Variants in CNOT6L observed in about 807,000 individuals in gnomAD.
CNOT6L encodes the protein CCR4-NOT transcription complex subunit 6 like.
In CNOT6L, 7 loss-of-function variants were observed where a neutral mutation model predicts 64.0. The observed-to-expected ratio is 0.11, with a 90% confidence interval of 0.06 to 0.21. The LOEUF is 0.21. CNOT6L is among the 10% of genes least tolerant of loss of function. The pLI, the probability that CNOT6L is intolerant of heterozygous loss-of-function variation, is 1.00. For missense variants in CNOT6L, 245 were observed against 669.0 expected (o/e 0.37, Z 6.99); for synonymous variants, 193 against 243.4 (o/e 0.79, Z 1.93).
upstream of CNOT6L, among the ~76,000 whole-genome samples, chr4:77,819,824 T>C (rs1298520052): frequency 6.7e-6 from 1 of 149,544 alleles, no homozygotes; most frequent in Non-Finnish European, 1.5e-5. Context: ...GGAAGGCGGC[T>C]GAAGGGAGCG....
intron 4 of CNOT6L, among the ~76,000 whole-genome samples, chr4:77,761,610 T>C (rs755416331): frequency 1.3e-5 from 2 of 152,128 alleles, no homozygotes; most frequent in East Asian, 1.9e-4. Flanking sequence ...TCAGCAAATG[T>C]GGGGAAGAAG....
chr4:77,797,812 T>A (rs1267474035), intron 1 of CNOT6L, among the ~76,000 whole-genome samples: 1 of 152,066 alleles, frequency 6.6e-6, no homozygotes, highest in Admixed American at 6.6e-5. Flanking sequence ...GGAATATATA[T>A]CCTCCACAAA....
intron 1 of CNOT6L, among the ~76,000 whole-genome samples, chr4:77,813,929 A>C (rs932260489): frequency 6.6e-6 from 1 of 152,226 alleles, no homozygotes; most frequent in Non-Finnish European, 1.5e-5. Flanking sequence ...ACATACATAC[A>C]TAAGAACTTG....
intron 9 of CNOT6L, 43 bp from the exon 10 acceptor site, chr4:77,729,124 T>C: frequency 6.7e-7 from 1 of 1,496,904 alleles, no homozygotes; most frequent in South Asian, 1.1e-5. Flanking sequence ...TTATGCTTTA[T>C]GTTTGAAGAA....
chr4:77,737,246 T>C (rs1350188505), intron 8 of CNOT6L, among the ~76,000 whole-genome samples: 3 of 152,096 alleles, frequency 2.0e-5, no homozygotes, highest in African/African-American at 7.2e-5. Context: ...CCAAACCAAA[T>C]AGAAGTTCTT....
At chr4:77,797,256 A>AG (rs1560431875) in intron 1 of CNOT6L, among the ~76,000 whole-genome samples, 1 of 152,088 alleles carries the variant, frequency 6.6e-6, no homozygotes, top group African/African-American at 2.4e-5. Flanking sequence ...AAAACACAGT[A>AG]GCCCCCCATC....
intron 5 of CNOT6L, 69 bp downstream of exon 5, chr4:77,756,793 G>T: frequency 1.1e-6 from 1 of 948,088 alleles, no homozygotes; most frequent in Non-Finnish European, 1.6e-6. Context: ...AGATGCTCTT[G>T]AGGAACATAT....
At chr4:77,772,449 C>G (rs1413557601) in intron 4 of CNOT6L, among the ~76,000 whole-genome samples, 1 of 151,876 alleles carries the variant, frequency 6.6e-6, no homozygotes, top group East Asian at 1.9e-4. Context: ...TGGTCTCAAA[C>G]CAGCCTAGTA....
At chr4:77,722,285 G>A (rs1207106285) in intron 11 of CNOT6L, among the ~76,000 whole-genome samples, 2 of 152,094 alleles carry the variant, frequency 1.3e-5, no homozygotes, top group East Asian at 3.9e-4. Context: ...TGGGCACAGT[G>A]GCTCATGCCT....
intron 5 of CNOT6L, among the ~76,000 whole-genome samples, chr4:77,755,509 C>T (rs531540959): frequency 4.6e-5 from 7 of 152,078 alleles, no homozygotes; most frequent in South Asian, 4.1e-4. Flanking sequence ...CCACCATGCC[C>T]GGCCGAGATA....
In CNOT6L at chr4:77,714,343, G is replaced by GA. The variant is rs1298678510; in HGVS notation, c.*6087dup. ...ATTAGTTGGCACTTGTTATATAGTT[G>GA]AAAAAAATCACAACAGAAGATATAA... On this transcript the variant is annotated 3_prime_UTR_variant, in exon 12 of 12. Transcript: ENST00000504123. 2.0e-5 allele frequency: 3 copies of GA among 147,820 alleles called. No individual in the cohort carries two copies. The highest frequency in any genetic ancestry group is 2.0e-4 in the East Asian group (1 of 4,970). The allele number at this position is 147,820 out of a possible 1,614,324, so 9.2% of individuals were successfully genotyped here.
At chr4:77,803,556 CAG>C (rs934248475) in intron 1 of CNOT6L, among the ~76,000 whole-genome samples, 2 of 152,112 alleles carry the variant, frequency 1.3e-5, no homozygotes, top group African/African-American at 4.8e-5. Flanking sequence ...TGTCAATCAA[CAG>C]GGGACTGAAT....
intron 1 of CNOT6L, among the ~76,000 whole-genome samples, chr4:77,792,470 A>C (rs1730274074): frequency 6.6e-6 from 1 of 152,198 alleles, no homozygotes; most frequent in South Asian, 2.1e-4. Flanking sequence ...TCACACCTGT[A>C]ATCCCAGTAC....
At position 77,716,310 on chromosome 4, in the gene CNOT6L, GAATA is replaced by G. The variant is rs1720743073; in HGVS notation, c.*4117_*4120del. On this transcript the variant is annotated 3_prime_UTR_variant, in exon 12 of 12. Coordinates refer to ENST00000504123, the MANE Select transcript of CNOT6L (RefSeq NM_144571.3). ...AAGCTATTAAAATATCTCAGAAACA[GAATA>G]AAAAAGCTTAGAATCAAATAAGCAT... 1.3e-5 allele frequency: 2 copies of G among 151,956 alleles called. No individual in the cohort carries two copies. The highest frequency in any genetic ancestry group is 6.6e-5 in the Admixed American group (1 of 15,222). 9.4% of individuals were successfully genotyped at this position (151,956 alleles called of 1,614,324 possible). A position where few individuals can be genotyped will look rare whatever the true frequency, so the allele number is the denominator to read the frequency against.
At chr4:77,788,114 T>C (rs995239479) in intron 1 of CNOT6L, among the ~76,000 whole-genome samples, 1 of 152,228 alleles carries the variant, frequency 6.6e-6, no homozygotes, top group Non-Finnish European at 1.5e-5. Flanking sequence ...TAAGTTAAAA[T>C]AGCTCGATCA....
At chr4:77,782,115 T>A (rs1352404239) in intron 1 of CNOT6L, among the ~76,000 whole-genome samples, 1 of 152,186 alleles carries the variant, frequency 6.6e-6, no homozygotes, top group Non-Finnish European at 1.5e-5. Context: ...TAAATCTGTC[T>A]TATATTGGCA....
chr4:77,773,535 T>C (rs1727837990), intron 3 of CNOT6L, among the ~76,000 whole-genome samples: 1 of 152,166 alleles, frequency 6.6e-6, no homozygotes, highest in South Asian at 2.1e-4. Context: ...TTGAAACTCG[T>C]CTAATTAATA....
At chr4:77,735,351 G>A (rs1174273537) in intron 8 of CNOT6L, among the ~76,000 whole-genome samples, 2 of 152,146 alleles carry the variant, frequency 1.3e-5, no homozygotes, top group Non-Finnish European at 2.9e-5. Context: ...CATTGCAGCA[G>A]GAGGTATTAC....
intron 1 of CNOT6L, among the ~76,000 whole-genome samples, chr4:77,777,075 A>G (rs930856149): frequency 6.6e-6 from 1 of 152,224 alleles, no homozygotes; most frequent in African/African-American, 2.4e-5. Context: ...TACACAAGCC[A>G]ATATAGTTCT....
Sources: allele counts gnomAD v4.1 joint callset (sites outside exome capture counted in the v4.1 genomes callset), GRCh38; gene constraint gnomAD v4.1.1; transcripts MANE v1.5; gene names NCBI Gene and HGNC (gene_info 2026-07-23, HGNC 2026-07-21).